The following TMEM260 variants were observed in gnomAD, a reference collection of about 807,000 sequenced individuals.
TMEM260 encodes transmembrane protein 260.
Under a neutral mutation model 88.9 loss-of-function variants are expected in TMEM260, and 82 were observed. The observed-to-expected ratio is 0.92, with a 90% CI of 0.77 to 1.11. The LOEUF is 1.11. Ranked by LOEUF, TMEM260 falls within the 50% of genes least tolerant of loss-of-function variation. TMEM260 has a pLI of 0.00. For missense variants in TMEM260, 902 were observed against 853.4 expected (o/e 1.06, Z -0.71); for synonymous variants, 314 against 309.3 (o/e 1.02, Z -0.16).
intron 2 of TMEM260, 123 bp from the exon 3 acceptor site, chr14:56,585,638 C>A: frequency 1.1e-6 from 1 of 879,390 alleles, no homozygotes; most frequent in Non-Finnish European, 1.8e-6. Context: ...ACTATTCAAA[C>A]ATTTAGTCAT....
rs1326281196 is a variant in TMEM260 at position 56,645,957 on chromosome 14, CTTTTTTA to C, written c.1870-1277_1870-1271del. ...GGTGATTCTTTCCCATTTTTTCTTTCTTTTTTATTTTTTATAACTAGAGATGGGGTCT... is the reference window on the plus strand; with the variant it reads ...GGTGATTCTTTCCCATTTTTTCTTTCTTTTTTATAACTAGAGATGGGGTCT... On this transcript the variant is annotated intron_variant, in intron 15 of 15. Coordinates refer to ENST00000261556, the MANE Select transcript of TMEM260 (RefSeq NM_017799.4). Among the ~76,000 whole-genome samples the C allele has an allele frequency of 3.9e-5, 6 of 152,166 alleles. No individual in the cohort carries two copies. In the South Asian group the frequency reaches 1.0e-3, roughly 26 times the overall value.
chr14:56,654,834 AAAAAAAAAT>A (rs1465536762), downstream of TMEM260, among the ~76,000 whole-genome samples: 5 of 150,464 alleles, frequency 3.3e-5, no homozygotes, highest in African/African-American at 7.4e-5. Flanking sequence ...AAAAAAAAAA[AAAAAAAAAT>A]GTTAAATGTC....
Position 56,633,164 on chromosome 14 carries a change from T to C in TMEM260, c.1717T>C (p.Tyr573His). The C allele has an allele frequency of 6.2e-7, 1 of 1,610,866 alleles. No homozygotes were observed. The highest frequency in any genetic ancestry group is 8.5e-7 in the Non-Finnish European group (1 of 1,178,556). ...TKSIYNWTEE[Y>H]GRFDPSSWES... ...AAGTATCTATAACTGGACCGAAGAA[T>C]ATGGAAGGTATGAACAGCAGTTGTA... Residue 573 changes from tyrosine (Y) to histidine (H), a missense_variant, in exon 13 of 16, where the codon TAT becomes CAT. Tyr to His is a moderately conservative substitution (Grantham distance 83). Coordinates refer to ENST00000261556, the MANE Select transcript of TMEM260 (RefSeq NM_017799.4).
At chr14:56,622,724 A>G (rs925596886) in intron 11 of TMEM260, among the ~76,000 whole-genome samples, 3 of 152,194 alleles carry the variant, frequency 2.0e-5, no homozygotes, top group African/African-American at 7.2e-5. Flanking sequence ...GAAATTCTTA[A>G]TCTTAAAAGA....
Position 56,609,260 on chromosome 14 carries a change from G to C in TMEM260, c.791G>C (p.Arg264Thr). The C allele has an allele frequency of 6.2e-7, 1 of 1,613,972 alleles. No individual in the cohort carries two copies. Among genetic ancestry groups the C allele is most frequent in the Non-Finnish European group, 8.5e-7 (1 of 1,179,954 alleles). ...CAAGGATTTTTGACACATTTTCTCA[G>C]GGAAGAATATGGAACCTTCAGCCTG... ...TLQGFLTHFL[R>T]EEYGTFSLAK... is the part of the protein sequence containing the mutation. Residue 264 changes from arginine (R) to threonine (T), a missense_variant, in exon 6 of 16, where the codon AGG (arginine) becomes ACG (threonine). Coordinates refer to ENST00000261556, the MANE Select transcript of TMEM260 (RefSeq NM_017799.4).
chr14:56,643,949 G>A (rs1284479474), intron 15 of TMEM260, among the ~76,000 whole-genome samples: 1 of 151,998 alleles, frequency 6.6e-6, no homozygotes, highest in Admixed American at 6.6e-5. Context: ...CAACTTACAA[G>A]GGATGTGAAG....
intron 3 of TMEM260, among the ~76,000 whole-genome samples, chr14:56,586,273 G>A (rs1369145845): frequency 2.0e-5 from 3 of 152,064 alleles, no homozygotes; most frequent in Non-Finnish European, 2.9e-5. Flanking sequence ...TATTGCTGAC[G>A]AGCAGCTGCC....
the TMEM260 span, among the ~76,000 whole-genome samples, chr14:56,658,138 C>T: frequency 8.9e-4 from 135 of 152,286 alleles, no homozygotes; most frequent in African/African-American, 3.2e-3. Flanking sequence ...TATCCCACAC[C>T]CTTGCTTAGC....
In TMEM260 at chr14:56,585,053, T is replaced by G. The variant is rs759322792; in HGVS notation, c.192+21T>G. The G allele has an allele frequency of 8.1e-6, 13 of 1,606,536 alleles. No individual in the cohort carries two copies. In the East Asian group the frequency reaches 2.2e-4, roughly 28 times the overall value. ...TTGGAGTAAGTATTAGTTTTATTGT[T>G]TAATCAATGCTCTCATTAACAGTTT... On this transcript the variant is annotated intron_variant, in intron 2 of 15. Transcript: ENST00000261556.
At chr14:56,612,964 A>G (rs1452347371) in intron 7 of TMEM260, 1 of 152,152 alleles carries the variant, frequency 6.6e-6, no homozygotes, top group African/African-American at 2.4e-5. Context: ...AATGTCTCCT[A>G]TGACTTCTTT....
chr14:56,582,841 GTTACATTTAGA>G (rs1885226883), intron 1 of TMEM260, among the ~76,000 whole-genome samples: 1 of 152,046 alleles, frequency 6.6e-6, no homozygotes, highest in Non-Finnish European at 1.5e-5. Flanking sequence ...CTTTATCAAG[GTTACATTTAGA>G]GACGTTGAAT....
chr14:56,605,567 C>T lies in TMEM260; in HGVS notation c.523-3C>T. On this transcript the variant is annotated splice_region_variant and splice_polypyrimidine_tract_variant and intron_variant, in intron 4 of 15. Transcript: ENST00000261556. ...TTAATTTTTTTTTTTAATTTATTTT[C>T]AGGTAGCTAAAATTGGTGCTTTCTG... 2.1e-6 allele frequency: 3 copies of T among 1,448,000 alleles called. No individual in the cohort carries two copies. The highest frequency in any genetic ancestry group is 9.2e-7 in the Non-Finnish European group (1 of 1,081,450). 89.7% of individuals were successfully genotyped at this position (1,448,000 alleles called of 1,614,324 possible). A position where few individuals can be genotyped will look rare whatever the true frequency, so the allele number is the denominator to read the frequency against.
At chr14:56,601,245 GA>G (rs1240305407) in intron 3 of TMEM260, among the ~76,000 whole-genome samples, 2 of 152,122 alleles carry the variant, frequency 1.3e-5, no homozygotes, top group African/African-American at 4.8e-5. Flanking sequence ...ATGCCTTTCT[GA>G]GTGTAAGAAT....
chr14:56,589,213 G>T (rs906259774), intron 3 of TMEM260, among the ~76,000 whole-genome samples: 2 of 152,088 alleles, frequency 1.3e-5, no homozygotes, highest in Non-Finnish European at 2.9e-5. Context: ...TTACCTCGGG[G>T]AAGATTTACA....
At chr14:56,593,810 C>T (rs1444244749) in intron 3 of TMEM260, among the ~76,000 whole-genome samples, 2 of 149,738 alleles carry the variant, frequency 1.3e-5, no homozygotes, top group African/African-American at 4.9e-5. Flanking sequence ...GCCTCAGCCT[C>T]CCGAGTAGCT....
chr14:56,598,117 A>G lies in TMEM260; in HGVS notation c.345-5698A>G, dbSNP rs1277596179. ...TTTGTGGTTAGCAGTTGAAATCAAG[A>G]TGGTGGATAAAGTGACTCTAGCCAC... On this transcript the variant is annotated intron_variant, in intron 3 of 15. Transcript: ENST00000261556. Among the ~76,000 whole-genome samples the G allele has an allele frequency of 5.9e-5, 9 of 152,232 alleles. No individual in the cohort carries two copies. In the East Asian group the frequency reaches 1.5e-3, roughly 26 times the overall value.
chr14:56,612,751 C>A (rs1887363851), intron 7 of TMEM260: 1 of 154,270 alleles, frequency 6.5e-6, no homozygotes, highest in Non-Finnish European at 1.4e-5. Flanking sequence ...GAGGCAGAAC[C>A]CATGGATACA....
intron 10 of TMEM260, 143 bp from the exon 11 acceptor site, chr14:56,621,388 A>G (rs1211296386): frequency 2.5e-5 from 15 of 592,890 alleles, no homozygotes; most frequent in Middle Eastern, 3.5e-4. Flanking sequence ...TCTCTCTTCA[A>G]ATATACATAT....
At chr14:56,585,654 C>A in intron 2 of TMEM260, 107 bp from the exon 3 acceptor site, 1 of 1,031,240 alleles carries the variant, frequency 9.7e-7, no homozygotes, top group Non-Finnish European at 1.4e-6. Flanking sequence ...GTCATTGGTG[C>A]CTAATCTTTA....
Sources: gnomAD v4.1 joint callset for allele counts (sites outside exome capture counted in the v4.1 genomes callset) on GRCh38, gnomAD v4.1.1 for gene constraint, MANE v1.5 for transcripts, NCBI Gene and HGNC (gene_info 2026-07-23, HGNC 2026-07-21) for gene names.